Variants in SPAG16 observed in about 807,000 individuals in gnomAD.
SPAG16 encodes the protein sperm associated antigen 16, also known as sperm-associated antigen 16 protein.
A neutral mutation model predicts 80.4 loss-of-function variants in SPAG16; 86 were observed. That is an observed-to-expected ratio of 1.07 (90% CI 0.90 to 1.28). SPAG16 has a LOEUF of 1.28. Ranked by LOEUF, SPAG16 falls within the 50% of genes most tolerant of loss-of-function variation. The pLI, the probability that SPAG16 is intolerant of heterozygous loss-of-function variation, is 0.00. For missense variants in SPAG16, 870 were observed against 765.3 expected (o/e 1.14, Z -1.61); for synonymous variants, 294 against 265.9 (o/e 1.11, Z -1.03).
chr2:213,352,084 A>C (rs1282563768), intron 7 of SPAG16, among the ~76,000 whole-genome samples: 1 of 151,140 alleles, frequency 6.6e-6, no homozygotes, highest in African/African-American at 2.4e-5. Context: ...CCCTCTGAAG[A>C]GGTTTCTACC....
chr2:213,679,498 T>C (rs2064271313), intron 10 of SPAG16, among the ~76,000 whole-genome samples: 1 of 152,116 alleles, frequency 6.6e-6, no homozygotes, highest in Non-Finnish European at 1.5e-5. Context: ...ACGTCCTTTT[T>C]TCACACTTAC....
At chr2:213,816,297 C>A (rs2072531568) in intron 10 of SPAG16, among the ~76,000 whole-genome samples, 1 of 152,086 alleles carries the variant, frequency 6.6e-6, no homozygotes, top group Non-Finnish European at 1.5e-5. Flanking sequence ...TGAATGACTA[C>A]AATCATTTTC....
At position 214,346,630 on chromosome 2, in the gene SPAG16, G is replaced by A. The variant is rs191505402; in HGVS notation, c.1721-63510G>A. Reference sequence around the variant, plus strand: ...TGTGACCTGGGACTAGGTCATAAAAGGCCATGCATTAGCCACATTGCTCAC... The same window carrying A: ...TGTGACCTGGGACTAGGTCATAAAAAGCCATGCATTAGCCACATTGCTCAC... On this transcript the variant is annotated intron_variant, in intron 15 of 15. Transcript: ENST00000331683. Among the ~76,000 whole-genome samples the A allele has an allele frequency of 3.7e-4, 57 of 152,256 alleles. No homozygotes were observed. In the East Asian group the frequency reaches 6.8e-3, roughly 18 times the overall value.
intron 15 of SPAG16, among the ~76,000 whole-genome samples, chr2:214,295,714 C>A (rs556978601): frequency 6.6e-6 from 1 of 152,092 alleles, no homozygotes; most frequent in East Asian, 1.9e-4. Flanking sequence ...TTGCTTGAAC[C>A]CAGGAGGCGG....
At chr2:214,360,823 T>C (rs958635393) in intron 15 of SPAG16, among the ~76,000 whole-genome samples, 8 of 151,856 alleles carry the variant, frequency 5.3e-5, no homozygotes, top group African/African-American at 1.9e-4. Context: ...TCCCAAAATA[T>C]ATGAGACTCA....
At chr2:214,177,900 C>CATATATATATATATAT (rs373584812) in intron 15 of SPAG16, among the ~76,000 whole-genome samples, 1 of 64,006 alleles carries the variant, frequency 1.6e-5, no homozygotes, top group Non-Finnish European at 2.8e-5. Flanking sequence ...TATATATATA[C>CATATATATATATATAT]ATATATATAT....
intron 15 of SPAG16, among the ~76,000 whole-genome samples, chr2:214,178,262 T>A (rs1362440327): frequency 6.6e-6 from 1 of 150,786 alleles, no homozygotes; most frequent in Non-Finnish European, 1.5e-5. Flanking sequence ...AACACTGTGC[T>A]ATATTTTTAT....
chr2:213,927,282 A>T (rs894837180), intron 11 of SPAG16, among the ~76,000 whole-genome samples: 1 of 152,238 alleles, frequency 6.6e-6, no homozygotes, highest in Non-Finnish European at 1.5e-5. Context: ...GGAGTGGCAC[A>T]GTCAGTCAGT....
chr2:213,641,021 G>A (rs765638553), intron 10 of SPAG16, among the ~76,000 whole-genome samples: 3 of 152,164 alleles, frequency 2.0e-5, no homozygotes, highest in Non-Finnish European at 2.9e-5. Flanking sequence ...TGTCTTTTGT[G>A]TTCAGCTACC....
At chr2:213,466,871 A>T (rs899455254) in intron 9 of SPAG16, among the ~76,000 whole-genome samples, 3 of 152,226 alleles carry the variant, frequency 2.0e-5, no homozygotes, top group African/African-American at 7.2e-5. Context: ...TACACCATCC[A>T]GGTTAGCTGG....
At chr2:214,141,611 T>C (rs2055364945) in intron 14 of SPAG16, among the ~76,000 whole-genome samples, 1 of 152,182 alleles carries the variant, frequency 6.6e-6, no homozygotes, top group Non-Finnish European at 1.5e-5. Flanking sequence ...TATTTAAACA[T>C]TTGTATTCAT....
chr2:214,393,501 A>C (rs1005572180), intron 15 of SPAG16, among the ~76,000 whole-genome samples: 1 of 151,994 alleles, frequency 6.6e-6, no homozygotes, highest in Admixed American at 6.6e-5. Flanking sequence ...GGTCTAAAAA[A>C]TTTTTATGAA....
At chr2:213,975,695 G>A (rs2045335096) in intron 12 of SPAG16, among the ~76,000 whole-genome samples, 1 of 151,834 alleles carries the variant, frequency 6.6e-6, no homozygotes, top group Non-Finnish European at 1.5e-5. Context: ...ATAGGGAGAG[G>A]AAAAATTCTA....
chr2:213,381,180 G>C (rs569548317), intron 9 of SPAG16, among the ~76,000 whole-genome samples: 1 of 152,132 alleles, frequency 6.6e-6, no homozygotes, highest in Non-Finnish European at 1.5e-5. Flanking sequence ...CTCTAGGAAA[G>C]GGCATTTATT....
intron 12 of SPAG16, among the ~76,000 whole-genome samples, chr2:213,957,430 C>T (rs898679430): frequency 2.0e-5 from 3 of 149,632 alleles, no homozygotes; most frequent in Admixed American, 1.3e-4. Context: ...GTATAGCCAT[C>T]GTTGCTTTAT....
intron 6 of SPAG16, among the ~76,000 whole-genome samples, chr2:213,341,034 C>G (rs1329057073): frequency 2.6e-5 from 4 of 152,158 alleles, no homozygotes; most frequent in Non-Finnish European, 5.9e-5. Context: ...ATACTTTTCA[C>G]ATAAAATTCA....
chr2:213,333,340 A>G (rs2064192892), intron 5 of SPAG16, among the ~76,000 whole-genome samples: 1 of 152,170 alleles, frequency 6.6e-6, no homozygotes, highest in South Asian at 2.1e-4. Context: ...ACACTGATGA[A>G]AGAAATTGAA....
chr2:214,370,200 C>T (rs370235820), intron 15 of SPAG16, among the ~76,000 whole-genome samples: 2 of 152,086 alleles, frequency 1.3e-5, no homozygotes, highest in South Asian at 2.1e-4. Flanking sequence ...GCAATTCCAC[C>T]ACAAATCTCT....
chr2:214,405,473 CT>C (rs1171641865), intron 15 of SPAG16, among the ~76,000 whole-genome samples: 1 of 152,150 alleles, frequency 6.6e-6, no homozygotes, highest in Non-Finnish European at 1.5e-5. Flanking sequence ...TGAAGCAAGA[CT>C]TTTTGAGTAA....
Sources: gnomAD v4.1 joint callset for allele counts (sites outside exome capture counted in the v4.1 genomes callset) on GRCh38, gnomAD v4.1.1 for gene constraint, MANE v1.5 for transcripts, NCBI Gene and HGNC (gene_info 2026-07-23, HGNC 2026-07-21) for gene names.